USP34: variants seen among roughly 807,000 people sequenced by gnomAD.
USP34 encodes ubiquitin specific peptidase 34, also known as ubiquitin carboxyl-terminal hydrolase 34.
A neutral mutation model predicts 460.3 loss-of-function variants in USP34; 70 were observed. The ratio of observed to expected loss-of-function variants is 0.15; its 90% CI spans 0.13 to 0.19. USP34 has a LOEUF of 0.19. USP34 is among the 10% of genes least tolerant of loss of function. The probability of loss-of-function intolerance (pLI) is 1.00; values close to 1 mark genes in which losing one functional copy is unlikely to be tolerated. For missense variants in USP34, 3,985 were observed against 4,236.2 expected (o/e 0.94, Z 1.65); for synonymous variants, 1,647 against 1,405.3 (o/e 1.17, Z -3.85).
In USP34 at chr2:61,324,925, T is replaced by A. The variant is rs79580539; in HGVS notation, c.3013+450A>T. On this transcript the variant is annotated intron_variant, in intron 21 of 79. Coordinates refer to ENST00000398571, the MANE Select transcript of USP34 (RefSeq NM_014709.4). Reference sequence around the variant, plus strand: ...CACTGCAGCAGCCATGAAAAAAGAATGAAATCATGTCCTTTGCAGCAACAT... The same window carrying A: ...CACTGCAGCAGCCATGAAAAAAGAAAGAAATCATGTCCTTTGCAGCAACAT... 4.8e-3 allele frequency among the ~76,000 whole-genome samples: 731 copies of A among 152,266 alleles called. 4 individuals are homozygous for A. The highest frequency in any genetic ancestry group is 0.016 in the African/African-American group (654 of 41,564).
At chr2:61,461,390 C>T (rs1206885747) in intron 1 of USP34, among the ~76,000 whole-genome samples, 20 of 150,202 alleles carry the variant, frequency 1.3e-4, no homozygotes, top group Admixed American at 1.3e-3. Flanking sequence ...CGAAATTCCG[C>T]CTCAAAAAAA....
rs529472520 is a variant in USP34 at position 61,392,967 on chromosome 2, G to A, written c.753+1886C>T. Among the ~76,000 whole-genome samples the A allele has an allele frequency of 1.1e-4, 17 of 152,216 alleles. No homozygotes were observed. In the South Asian group the frequency reaches 2.1e-3, roughly 19 times the overall value. ...CAAATAAGTTCAATCAGAATAACAGGATCACTTAGGTATTTAGTAACAACC... is the reference window on the plus strand; with the variant it reads ...CAAATAAGTTCAATCAGAATAACAGAATCACTTAGGTATTTAGTAACAACC... On this transcript the variant is annotated intron_variant, in intron 5 of 79. Transcript: ENST00000398571.
At chr2:61,349,751 G>C (rs1691889270) in intron 12 of USP34, among the ~76,000 whole-genome samples, 1 of 152,186 alleles carries the variant, frequency 6.6e-6, no homozygotes, top group Non-Finnish European at 1.5e-5. Context: ...TGAGGCAGGA[G>C]AATGACGTGA....
At chr2:61,237,882 C>T (rs1688115995) in intron 53 of USP34, among the ~76,000 whole-genome samples, 1 of 151,112 alleles carries the variant, frequency 6.6e-6, no homozygotes. Context: ...GCCCAGCCAC[C>T]CTAGCTATTT....
At chr2:61,379,412 C>T (rs556956368) in intron 7 of USP34, among the ~76,000 whole-genome samples, 11 of 152,046 alleles carry the variant, frequency 7.2e-5, no homozygotes, top group Non-Finnish European at 1.6e-4. Context: ...CCCTGCTACT[C>T]AGGAGGCTGA....
At chr2:61,398,298 T>C (rs578218029) in intron 3 of USP34, among the ~76,000 whole-genome samples, 25 of 151,392 alleles carry the variant, frequency 1.7e-4, no homozygotes, top group African/African-American at 6.1e-4. Context: ...ACTTGGGAGG[T>C]CTAGGCTGCA....
intron 53 of USP34, among the ~76,000 whole-genome samples, chr2:61,241,131 G>A (rs986714201): frequency 2.6e-5 from 4 of 151,858 alleles, no homozygotes; most frequent in East Asian, 1.9e-4. Flanking sequence ...TGCAACCTCC[G>A]CCTCCCAGGT....
chr2:61,424,141 C>T (rs1349306854), intron 1 of USP34, among the ~76,000 whole-genome samples: 1 of 152,100 alleles, frequency 6.6e-6, no homozygotes, highest in African/African-American at 2.4e-5. Context: ...AGCATATATA[C>T]TGAAATGAAT....
At chr2:61,466,498 ATGTT>A (rs1172610673) in intron 1 of USP34, among the ~76,000 whole-genome samples, 1 of 152,240 alleles carries the variant, frequency 6.6e-6, no homozygotes, top group Non-Finnish European at 1.5e-5. Flanking sequence ...CAAATGCTAA[ATGTT>A]TGAGATGGAT....
chr2:61,191,152 C>T (rs1686629389), intron 76 of USP34: 1 of 153,046 alleles, frequency 6.5e-6, no homozygotes, highest in Non-Finnish European at 1.5e-5. Flanking sequence ...TACCTTTTCC[C>T]CCCATAAACA....
chr2:61,190,115 T>C (rs1686587497), intron 78 of USP34, 156 bp downstream of exon 78: 1 of 908,292 alleles, frequency 1.1e-6, no homozygotes, highest in East Asian at 2.6e-5. Context: ...ATACAAGGCA[T>C]AGTAAACGTG....
intron 32 of USP34, 106 bp downstream of exon 32, chr2:61,294,843 T>TA (rs1689977189): frequency 2.2e-6 from 2 of 897,748 alleles, no homozygotes; most frequent in Non-Finnish European, 3.4e-6. Flanking sequence ...TGCTTTATTT[T>TA]AATAGTATAT....
At chr2:61,239,880 G>A (rs187230722) in intron 53 of USP34, among the ~76,000 whole-genome samples, 3 of 151,934 alleles carry the variant, frequency 2.0e-5, no homozygotes, top group East Asian at 1.9e-4. Context: ...GTGTGGTGGC[G>A]GGTGCCTGTA....
chr2:61,393,980 G>C (rs1159554399), intron 5 of USP34, among the ~76,000 whole-genome samples: 3 of 152,088 alleles, frequency 2.0e-5, no homozygotes, highest in African/African-American at 7.2e-5. Context: ...AATTAGCCGG[G>C]CATGGTGGTT....
intron 1 of USP34, among the ~76,000 whole-genome samples, chr2:61,431,934 G>C (rs1199788780): frequency 6.6e-6 from 1 of 152,142 alleles, no homozygotes; most frequent in African/African-American, 2.4e-5. Flanking sequence ...ATAAATGCTT[G>C]AGATAACAAT....
chr2:61,236,008 A>G lies in USP34; in HGVS notation c.6966+18T>C, dbSNP rs373476689. The G allele has an allele frequency of 5.6e-6, 9 of 1,603,422 alleles. No individual in the cohort carries two copies. The East Asian group carries it at 6.7e-5, about 12-fold the overall frequency. On this transcript the variant is annotated intron_variant, in intron 56 of 79. Coordinates refer to ENST00000398571, the MANE Select transcript of USP34 (RefSeq NM_014709.4). ...AAAAACATAAATGACAAAAAAATCC[A>G]TAGTAGAAAACACATACCTTTTCTT... is the stretch of plus-strand genomic sequence containing the variant.
chr2:61,275,403 G>A (rs1689342342), intron 41 of USP34, among the ~76,000 whole-genome samples: 2 of 152,176 alleles, frequency 1.3e-5, no homozygotes, highest in Admixed American at 1.3e-4. Context: ...GATCACTTAA[G>A]GGCAGGAGTT....
At chr2:61,387,871 G>A (rs368591198) in intron 5 of USP34, among the ~76,000 whole-genome samples, 14 of 137,878 alleles carry the variant, frequency 1.0e-4, no homozygotes, top group East Asian at 4.3e-4. Context: ...ATATTTTTAC[G>A]TATACGCATA....
rs374792622 is a variant in USP34 at position 61,320,545 on chromosome 2, GTTTA to G, written c.3014-1222_3014-1219del. Among the ~76,000 whole-genome samples the G allele has an allele frequency of 5.7e-3, 862 of 152,214 alleles. 7 individuals carry two copies. Among genetic ancestry groups the G allele is most frequent in the African/African-American group, 0.019 (809 of 41,540 alleles). On this transcript the variant is annotated intron_variant, in intron 21 of 79. Coordinates refer to ENST00000398571, the MANE Select transcript of USP34 (RefSeq NM_014709.4). ...AAACATTATTTGATGACCTACTGTA[GTTTA>G]TTTATATAAAAGTGTATAAAATATT...
Sources: allele counts gnomAD v4.1 joint callset (sites outside exome capture counted in the v4.1 genomes callset), GRCh38; gene constraint gnomAD v4.1.1; transcripts MANE v1.5; gene names NCBI Gene and HGNC (gene_info 2026-07-23, HGNC 2026-07-21).